MLIP: variants seen among roughly 807,000 people sequenced by gnomAD.
The protein encoded by MLIP is muscular LMNA interacting protein, also known as muscular LMNA-interacting protein.
Under a neutral mutation model 84.8 loss-of-function variants are expected in MLIP, and 79 were observed. The ratio of observed to expected loss-of-function variants is 0.93; its 90% CI spans 0.78 to 1.12. The LOEUF (loss-of-function observed/expected upper bound fraction) is 1.12, where lower values mean the gene tolerates loss of function less well. Among genes scored for constraint, MLIP ranks in the 50% most tolerant of loss-of-function variants. The probability of loss-of-function intolerance (pLI) is 0.00; values close to 1 mark genes in which losing one functional copy is unlikely to be tolerated. For synonymous variants in MLIP, 504 were observed against 463.0 expected (o/e 1.09, Z -1.14); for missense variants, 1,257 against 1,160.6 (o/e 1.08, Z -1.21).
intron 11 of MLIP, among the ~76,000 whole-genome samples, chr6:54,229,079 C>A (rs1195863273): frequency 1.3e-5 from 2 of 152,018 alleles, no homozygotes; most frequent in Admixed American, 6.6e-5. Flanking sequence ...TGAAATTAGA[C>A]AAATGGAAGA....
intron 10 of MLIP, among the ~76,000 whole-genome samples, chr6:54,191,234 T>C (rs961289253): frequency 1.3e-5 from 2 of 152,174 alleles, no homozygotes; most frequent in Admixed American, 6.5e-5. Flanking sequence ...AAAGAAATTG[T>C]TTTGGTATCC....
In MLIP at chr6:54,202,243, T is replaced by C. The variant is rs370359351; in HGVS notation, c.2718+10T>C. On this transcript the variant is annotated intron_variant, in intron 11 of 13. Coordinates refer to ENST00000502396, the MANE Select transcript of MLIP (RefSeq NM_001281747.2). ...CCTCTTTTCTGAACAGGTGAGCACA[T>C]ACAAGAGAAAATGTTTGCTATTTTG... 1 of 1,426,562 alleles carries C rather than the reference T, an allele frequency of 7.0e-7. No homozygotes were observed. The highest frequency in any genetic ancestry group is 9.2e-7 in the Non-Finnish European group (1 of 1,087,322). The allele number at this position is 1,426,562 out of a possible 1,614,324, so 88.4% of individuals were successfully genotyped here. A position where few individuals can be genotyped will look rare whatever the true frequency, so the allele number is the denominator to read the frequency against.
chr6:54,206,208 G>A (rs1779024827), intron 11 of MLIP, among the ~76,000 whole-genome samples: 1 of 152,058 alleles, frequency 6.6e-6, no homozygotes, highest in East Asian at 1.9e-4. Flanking sequence ...TTTCATTGAA[G>A]ATTTTTGGTT....
At chr6:54,219,838 CAGTT>C in intron 11 of MLIP, among the ~76,000 whole-genome samples, 1 of 152,260 alleles carries the variant, frequency 6.6e-6, no homozygotes, top group Non-Finnish European at 1.5e-5. Flanking sequence ...AGTGAGCCCT[CAGTT>C]GGCCATTCCT....
intron 1 of MLIP, among the ~76,000 whole-genome samples, chr6:54,049,564 C>G (rs1765260524): frequency 6.6e-6 from 1 of 152,074 alleles, no homozygotes; most frequent in Non-Finnish European, 1.5e-5. Context: ...GGGAAACACC[C>G]TATTTACTTG....
chr6:54,051,473 C>G (rs1036305430), intron 1 of MLIP, among the ~76,000 whole-genome samples: 1 of 151,898 alleles, frequency 6.6e-6, no homozygotes, highest in Admixed American at 6.6e-5. Flanking sequence ...AAAAATGTAC[C>G]AAAACCCAAA....
chr6:54,186,788 A>T (rs2150660781), intron 9 of MLIP, among the ~76,000 whole-genome samples: 1 of 152,232 alleles, frequency 6.6e-6, no homozygotes, highest in South Asian at 2.1e-4. Context: ...TATGTGGATT[A>T]TAATTCAAGA....
At chr6:54,222,747 C>T (rs76099444) in intron 11 of MLIP, among the ~76,000 whole-genome samples, 2,180 of 152,036 alleles carry the variant, frequency 0.014, 11 homozygotes, top group East Asian at 0.031. Context: ...GAAGTGGGAT[C>T]GATGCATTTT....
At chr6:54,093,641 G>C (rs1339892138) in intron 1 of MLIP, among the ~76,000 whole-genome samples, 1 of 152,204 alleles carries the variant, frequency 6.6e-6, no homozygotes, top group East Asian at 1.9e-4. Flanking sequence ...ATGATTTATG[G>C]CTAGTCCAGA....
At chr6:54,077,451 T>G (rs7762970) in intron 1 of MLIP, among the ~76,000 whole-genome samples, 149,960 of 152,012 alleles carry the variant, frequency 0.99, 74,002 homozygotes, top group Non-Finnish European at 1. Flanking sequence ...GACCATTACT[T>G]GCAAATCTAT....
intron 5 of MLIP, among the ~76,000 whole-genome samples, chr6:54,149,540 T>A (rs1260903647): frequency 6.6e-6 from 1 of 152,174 alleles, no homozygotes; most frequent in East Asian, 1.9e-4. Context: ...TGTTGACTGG[T>A]AAAGACTTGG....
intron 2 of MLIP, among the ~76,000 whole-genome samples, chr6:54,123,216 T>G (rs1022704559): frequency 3.3e-5 from 5 of 152,166 alleles, no homozygotes; most frequent in Non-Finnish European, 5.9e-5. Flanking sequence ...ATTACAGGCT[T>G]GAGCCACCGC....
At chr6:54,168,240 T>C in intron 8 of MLIP, among the ~76,000 whole-genome samples, 1 of 151,942 alleles carries the variant, frequency 6.6e-6, no homozygotes, top group East Asian at 1.9e-4. Flanking sequence ...TACTACCTAC[T>C]CAACTCCCTT....
chr6:54,044,880 G>A (rs1276415660), intron 1 of MLIP, among the ~76,000 whole-genome samples: 2 of 152,122 alleles, frequency 1.3e-5, no homozygotes, highest in Non-Finnish European at 2.9e-5. Context: ...AAACATATCA[G>A]TTTGCTTTCA....
At chr6:54,175,819 A>G (rs776428783) in intron 9 of MLIP, among the ~76,000 whole-genome samples, 66 of 152,050 alleles carry the variant, frequency 4.3e-4, no homozygotes, top group Non-Finnish European at 8.7e-4. Context: ...CAGATCTTAA[A>G]AGAAAAGCTT....
chr6:54,125,497 T>C (rs1456343559), intron 3 of MLIP, among the ~76,000 whole-genome samples: 4 of 151,712 alleles, frequency 2.6e-5, no homozygotes, highest in African/African-American at 9.7e-5. Context: ...GTAGAGAGAG[T>C]CTGGTACAAT....
chr6:54,030,073 T>A (rs1313582860), intron 1 of MLIP, among the ~76,000 whole-genome samples: 1 of 152,174 alleles, frequency 6.6e-6, no homozygotes, highest in African/African-American at 2.4e-5. Flanking sequence ...TGGGGATTGT[T>A]TTCTTCAGAA....
chr6:54,263,712 T>A (rs1783527177), intron 13 of MLIP, among the ~76,000 whole-genome samples: 1 of 147,866 alleles, frequency 6.8e-6, no homozygotes, highest in South Asian at 2.1e-4. Context: ...CAAGGTTAAC[T>A]CTGAATTTAA....
At chr6:54,257,267 C>G in intron 12 of MLIP, 41 bp from the exon 13 acceptor site, 1 of 1,466,502 alleles carries the variant, frequency 6.8e-7, no homozygotes, top group Non-Finnish European at 9.5e-7. Flanking sequence ...TTTTTTCTCA[C>G]TTCTACTCCT....
Sources: gnomAD v4.1 joint callset for allele counts (sites outside exome capture counted in the v4.1 genomes callset) on GRCh38, gnomAD v4.1.1 for gene constraint, MANE v1.5 for transcripts, NCBI Gene and HGNC (gene_info 2026-07-23, HGNC 2026-07-21) for gene names.